The following NEK10 variants were observed in gnomAD, a reference collection of about 807,000 sequenced individuals.
The protein encoded by NEK10 is NIMA related kinase 10, also known as serine/threonine-protein kinase Nek10.
Under a neutral mutation model 159.8 loss-of-function variants are expected in NEK10, and 122 were observed. The ratio of observed to expected loss-of-function variants is 0.76; its 90% CI spans 0.66 to 0.89. The LOEUF (loss-of-function observed/expected upper bound fraction) is 0.89. NEK10 is among the 40% of genes least tolerant of loss of function. The pLI is 0.00. For synonymous variants in NEK10, 466 were observed against 457.1 expected (o/e 1.02, Z -0.25); for missense variants, 1,342 against 1,323.1 (o/e 1.01, Z -0.22).
At chr3:27,179,180 C>T (rs888413629) in intron 26 of NEK10, among the ~76,000 whole-genome samples, 1 of 152,050 alleles carries the variant, frequency 6.6e-6, no homozygotes, top group Non-Finnish European at 1.5e-5. Flanking sequence ...AAATCTAAAC[C>T]AGAAAAACTG....
intron 30 of NEK10, among the ~76,000 whole-genome samples, chr3:27,149,296 C>T (rs748523264): frequency 9.9e-5 from 15 of 151,962 alleles, no homozygotes; most frequent in Non-Finnish European, 2.2e-4. Context: ...AGGAAATACT[C>T]CAAGGTATTT....
Position 27,304,900 on chromosome 3 carries a change from C to T in NEK10, c.875G>A (p.Gly292Glu), listed in dbSNP as rs746167699. The T allele has an allele frequency of 6.2e-7, 1 of 1,613,148 alleles. No homozygotes were observed. Among genetic ancestry groups the T allele is most frequent in the Non-Finnish European group, 8.5e-7 (1 of 1,179,280 alleles). ...GAGCAGACTGAGGAGGACCGGTATC[C>T]CCTCATAGAGCTTCACCTGCTCTTT... ...QVKEQVKLYE[G>E]IPVLLSLLHS... Residue 292 changes from glycine (G) to glutamate (E), a missense_variant, in exon 12 of 36, where the codon GGG becomes GAG. Coordinates refer to ENST00000691995, the MANE Select transcript of NEK10 (RefSeq NM_001394966.1).
intron 32 of NEK10, among the ~76,000 whole-genome samples, chr3:27,123,037 G>T (rs1474124382): frequency 6.6e-6 from 1 of 152,084 alleles, no homozygotes. Context: ...GAACTTCCCA[G>T]AACTACTTTT....
At chr3:27,213,722 T>C (rs1293369854) in intron 23 of NEK10, among the ~76,000 whole-genome samples, 2 of 152,188 alleles carry the variant, frequency 1.3e-5, no homozygotes, top group Non-Finnish European at 2.9e-5. Context: ...GACTGATCTT[T>C]GTAGGAATAA....
intron 1 of NEK10, among the ~76,000 whole-genome samples, chr3:27,362,037 A>C (rs1290062339): frequency 6.6e-6 from 1 of 152,242 alleles, no homozygotes; most frequent in Non-Finnish European, 1.5e-5. Context: ...TGGATTAAAT[A>C]AGAACACTAG....
chr3:27,270,248 G>C (rs148321187), intron 22 of NEK10, among the ~76,000 whole-genome samples: 1 of 152,108 alleles, frequency 6.6e-6, no homozygotes, highest in Non-Finnish European at 1.5e-5. Flanking sequence ...TGCTGAAGAG[G>C]TTATATAGAG....
At chr3:27,254,918 T>TACACACACACACAC (rs3035705) in intron 23 of NEK10, among the ~76,000 whole-genome samples, 12 of 141,888 alleles carry the variant, frequency 8.5e-5, no homozygotes, top group African/African-American at 3.1e-4. Flanking sequence ...CTCTTTCTCT[T>TACACACACACACAC]ACACACACAC....
chr3:27,296,474 T>C (rs921305996), intron 14 of NEK10, among the ~76,000 whole-genome samples: 10 of 152,190 alleles, frequency 6.6e-5, no homozygotes, highest in Non-Finnish European at 1.5e-4. Context: ...TGAGTTTCTC[T>C]TATGTCCTAA....
At position 27,168,790 on chromosome 3, in the gene NEK10, T is replaced by C. The variant is rs1178302919; in HGVS notation, c.2831+3029A>G. Among the ~76,000 whole-genome samples, 8 of 152,346 alleles carry C rather than the reference T, an allele frequency of 5.3e-5. 1 individual carries two copies. The highest frequency in any genetic ancestry group is 4.1e-4 in the South Asian group (2 of 4,828). The stretch of plus-strand genomic sequence containing the variant: ...AGGTCCTGTTCACCTTGGAACATAC[T>C]TTCCAAAACATCAACTTCAATGTAT... On this transcript the variant is annotated intron_variant, in intron 29 of 35. Transcript: ENST00000691995.
intron 33 of NEK10, 91 bp from the exon 34 acceptor site, chr3:27,116,218 A>G: frequency 9.1e-7 from 1 of 1,098,446 alleles, no homozygotes; most frequent in Admixed American, 2.0e-5. Context: ...ACCACAGGGC[A>G]AACAGGTCAA....
chr3:27,344,406 G>A, intron 4 of NEK10, 36 bp from the exon 5 acceptor site: 2 of 1,115,334 alleles, frequency 1.8e-6, no homozygotes, highest in Non-Finnish European at 1.3e-6. Flanking sequence ...TTTTGTAATA[G>A]AGATCAGGCT....
At chr3:27,216,450 G>C (rs1274341398) in intron 23 of NEK10, 1 of 152,212 alleles carries the variant, frequency 6.6e-6, no homozygotes, top group East Asian at 1.9e-4. Context: ...ATATGCCCTT[G>C]TATAGTCCCT....
chr3:27,155,980 A>G (rs903538826), intron 30 of NEK10, among the ~76,000 whole-genome samples: 6 of 152,158 alleles, frequency 3.9e-5, no homozygotes, highest in African/African-American at 1.4e-4. Flanking sequence ...ACCCAGAAGT[A>G]AACCCAAATA....
chr3:27,128,641 T>G (rs553639514), intron 32 of NEK10, among the ~76,000 whole-genome samples: 3 of 152,156 alleles, frequency 2.0e-5, no homozygotes, highest in Non-Finnish European at 4.4e-5. Flanking sequence ...AGGGATTTTT[T>G]TTTTTCTTTT....
chr3:27,279,896 G>A (rs1396934278), intron 22 of NEK10, among the ~76,000 whole-genome samples: 6 of 152,094 alleles, frequency 3.9e-5, no homozygotes, highest in East Asian at 1.9e-4. Context: ...TAGGCCGAGC[G>A]CGGTGGCTCA....
intron 23 of NEK10, among the ~76,000 whole-genome samples, chr3:27,217,497 T>A (rs1002043200): frequency 6.6e-6 from 1 of 152,028 alleles, no homozygotes; most frequent in Non-Finnish European, 1.5e-5. Context: ...GAGAACTCTA[T>A]CACAAAAACA....
At chr3:27,119,664 T>TAA in intron 33 of NEK10, 96 bp downstream of exon 33, 3 of 915,130 alleles carry the variant, frequency 3.3e-6, no homozygotes, top group Non-Finnish European at 5.1e-6. Context: ...AAGCTCTATT[T>TAA]AAAAAAAAAT....
intron 4 of NEK10, among the ~76,000 whole-genome samples, chr3:27,345,804 C>A (rs2047511882): frequency 6.6e-6 from 1 of 152,170 alleles, no homozygotes; most frequent in African/African-American, 2.4e-5. Context: ...CAAGCCTAAC[C>A]AGGTCAATAA....
chr3:27,359,009 C>A (rs1388632036), intron 1 of NEK10, among the ~76,000 whole-genome samples: 1 of 152,086 alleles, frequency 6.6e-6, no homozygotes, highest in Non-Finnish European at 1.5e-5. Context: ...CAAGACCAGC[C>A]TGACCAACAT....
Sources: gnomAD v4.1 joint callset for allele counts (sites outside exome capture counted in the v4.1 genomes callset) on GRCh38, gnomAD v4.1.1 for gene constraint, MANE v1.5 for transcripts, NCBI Gene and HGNC (gene_info 2026-07-23, HGNC 2026-07-21) for gene names.